The following ANXA10 variants were observed in gnomAD, a reference collection of about 807,000 sequenced individuals.
The protein encoded by ANXA10 is annexin A10, also known as annexin 14.
ANXA10 carries 49 observed loss-of-function variants against 53.5 expected under a neutral mutation model. The observed-to-expected ratio is 0.92, with a 90% CI of 0.73 to 1.16. The LOEUF (loss-of-function observed/expected upper bound fraction) is 1.16, where lower values mean the gene tolerates loss of function less well. Among genes scored for constraint, ANXA10 ranks in the 50% most tolerant of loss-of-function variants. The pLI is 0.00. For missense variants in ANXA10, 393 were observed against 394.4 expected, an observed-to-expected ratio of 1.00 and a Z score of 0.03; for synonymous variants, 131 against 128.9, an observed-to-expected ratio of 1.02 and a Z score of -0.11.
At chr4:168,103,387 A>G (rs1730671571) in intron 1 of ANXA10, among the ~76,000 whole-genome samples, 1 of 151,920 alleles carries the variant, frequency 6.6e-6, no homozygotes, top group African/African-American at 2.4e-5. Context: ...ATGAATCTCC[A>G]ATTTTTATAG....
At chr4:168,164,533 A>G (rs1353371292) in intron 5 of ANXA10, among the ~76,000 whole-genome samples, 1 of 152,104 alleles carries the variant, frequency 6.6e-6, no homozygotes, top group East Asian at 1.9e-4. Flanking sequence ...CTATGAGGTG[A>G]ATGTTTTCAT....
intron 4 of ANXA10, 34 bp downstream of exon 4, chr4:168,162,675 A>G: frequency 3.9e-6 from 6 of 1,524,410 alleles, no homozygotes; most frequent in African/African-American, 1.4e-5. Context: ...GCCTGTAACA[A>G]GTACAGGCCA....
intron 10 of ANXA10, among the ~76,000 whole-genome samples, chr4:168,182,870 C>T (rs1185758838): frequency 2.0e-5 from 3 of 150,312 alleles, no homozygotes; most frequent in East Asian, 2.0e-4. Flanking sequence ...ATTAGCCGGG[C>T]GTGGTTGCAG....
chr4:168,101,084 G>C lies in ANXA10; in HGVS notation c.18+8366G>C, dbSNP rs548185569. ...CTGGTGGGAGGTGATTGGATAGTGG[G>C]GGCTGTTTCTCATGAATGGTTTAGT... On this transcript the variant is annotated intron_variant, in intron 1 of 11. Transcript: ENST00000359299. Among the ~76,000 whole-genome samples, 3 of 151,932 alleles carry C rather than the reference G, an allele frequency of 2.0e-5. No homozygotes were observed. In the South Asian group the frequency reaches 6.2e-4, roughly 32 times the overall value.
At chr4:168,140,525 T>A (rs1731307929) in intron 3 of ANXA10, among the ~76,000 whole-genome samples, 1 of 152,242 alleles carries the variant, frequency 6.6e-6, no homozygotes, top group African/African-American at 2.4e-5. Context: ...ACACCAGTAC[T>A]AGTTTTCTTT....
At position 168,155,916 on chromosome 4, in the gene ANXA10, T is replaced by TATATG. The variant is rs1731641811; in HGVS notation, c.196-6608_196-6607insGATAT. Among the ~76,000 whole-genome samples, 5 of 3,100 alleles carry TATATG rather than the reference T, an allele frequency of 1.6e-3. 1 individual carries two copies. The highest frequency in any genetic ancestry group is 2.5e-3 in the African/African-American group (4 of 1,628). 2.0% of individuals were successfully genotyped at this position (3,100 alleles called of 152,430 possible). A position where few individuals can be genotyped will look rare whatever the true frequency, so the allele number is the denominator to read the frequency against. On this transcript the variant is annotated intron_variant, in intron 3 of 11. Transcript: ENST00000359299. ...ATATATGATATATCATATATTATATTATATATCATATATTATATGTTATAT... is the reference window on the plus strand; with the variant it reads ...ATATATGATATATCATATATTATATTATATGATATATCATATATTATATGTTATAT...
chr4:168,184,769 C>A (rs1258985505), intron 11 of ANXA10, 88 bp downstream of exon 11: 5 of 1,531,096 alleles, frequency 3.3e-6, no homozygotes, highest in African/African-American at 1.4e-5. Context: ...AACTTCATGG[C>A]AGACTCTAAA....
intron 1 of ANXA10, among the ~76,000 whole-genome samples, chr4:168,102,827 G>GA (rs1427077849): frequency 6.6e-6 from 1 of 152,014 alleles, no homozygotes; most frequent in Non-Finnish European, 1.5e-5. Flanking sequence ...TTTAGCTTTA[G>GA]AAAAAACTGG....
chr4:168,101,499 T>G (rs574371888), intron 1 of ANXA10, among the ~76,000 whole-genome samples: 281 of 137,514 alleles, frequency 2.0e-3, no homozygotes, highest in Non-Finnish European at 3.3e-3. Context: ...GTGTTTTTTT[T>G]GGGGGGGAAG....
At chr4:168,178,022 AT>A (rs1732166659) in intron 8 of ANXA10, 39 bp downstream of exon 8, 14 of 1,566,208 alleles carry the variant, frequency 8.9e-6, no homozygotes, top group African/African-American at 1.4e-5. Flanking sequence ...TACTTGACCA[AT>A]TATATAACAA....
intron 4 of ANXA10, among the ~76,000 whole-genome samples, chr4:168,163,005 T>A (rs942510533): frequency 1.3e-5 from 2 of 152,150 alleles, no homozygotes; most frequent in Non-Finnish European, 2.9e-5. Flanking sequence ...ATGATGTGAA[T>A]CTTGTTACAT....
intron 10 of ANXA10, 92 bp downstream of exon 10, chr4:168,181,833 AC>A: frequency 1.0e-6 from 1 of 992,284 alleles, no homozygotes; most frequent in Non-Finnish European, 1.5e-6. Flanking sequence ...AATGTTCATT[AC>A]CATTTTTGAA....
intron 11 of ANXA10, among the ~76,000 whole-genome samples, 157 bp downstream of exon 11, chr4:168,184,838 A>T (rs1443566575): frequency 6.6e-6 from 1 of 152,220 alleles, no homozygotes; most frequent in African/African-American, 2.4e-5. Context: ...TCTTTAGAAC[A>T]TCGGCAGGTG....
At chr4:168,134,706 T>G (rs142599017) in intron 2 of ANXA10, among the ~76,000 whole-genome samples, 1 of 152,304 alleles carries the variant, frequency 6.6e-6, no homozygotes, top group Non-Finnish European at 1.5e-5. Context: ...TCTCTATGCC[T>G]TTTCAGTGGA....
chr4:168,137,849 T>G (rs1731262696), intron 2 of ANXA10, among the ~76,000 whole-genome samples: 1 of 152,208 alleles, frequency 6.6e-6, no homozygotes, highest in African/African-American at 2.4e-5. Context: ...TTTAGTTCTT[T>G]GAGAAATCTT....
intron 1 of ANXA10, among the ~76,000 whole-genome samples, chr4:168,095,224 G>T (rs1441446907): frequency 6.6e-6 from 1 of 151,734 alleles, no homozygotes; most frequent in Non-Finnish European, 1.5e-5. Context: ...TGTAAAAATT[G>T]TTCGCTGATT....
At chr4:168,130,820 T>G (rs1380685895) in intron 2 of ANXA10, among the ~76,000 whole-genome samples, 6 of 151,714 alleles carry the variant, frequency 4.0e-5, no homozygotes, top group African/African-American at 1.5e-4. Context: ...TCGTTTCTGA[T>G]ATTCGTAAGT....
intron 1 of ANXA10, among the ~76,000 whole-genome samples, chr4:168,098,137 T>A (rs1730582025): frequency 1.3e-5 from 2 of 151,990 alleles, no homozygotes; most frequent in South Asian, 4.1e-4. Context: ...AAAAAAGATG[T>A]TTAACTATAT....
intron 3 of ANXA10, among the ~76,000 whole-genome samples, chr4:168,149,855 T>C (rs1404456395): frequency 6.6e-6 from 1 of 152,218 alleles, no homozygotes; most frequent in Admixed American, 6.5e-5. Context: ...AATCTTTCAA[T>C]GCTGAATAAT....
Sources: gnomAD v4.1 joint callset for allele counts (sites outside exome capture counted in the v4.1 genomes callset) on GRCh38, gnomAD v4.1.1 for gene constraint, MANE v1.5 for transcripts, NCBI Gene and HGNC (gene_info 2026-07-23, HGNC 2026-07-21) for gene names.